EML6: variants seen among roughly 807,000 people sequenced by gnomAD.
The protein encoded by EML6 is echinoderm microtubule-associated protein-like 6.
A neutral mutation model predicts 240.1 loss-of-function variants in EML6; 154 were observed. That is an observed-to-expected ratio of 0.64 (90% CI 0.56 to 0.73). EML6 has a LOEUF of 0.73. Among genes scored for constraint, EML6 ranks in the 30% least tolerant of loss-of-function variants. EML6 has a pLI of 0.00. For synonymous variants in EML6, 1,148 were observed against 899.0 expected (o/e 1.28, Z -4.95); for missense variants, 2,964 against 2,474.6 (o/e 1.20, Z -4.20).
At chr2:54,797,176 A>AAAAAAACAAAAAAAAAC (rs1669848694) in intron 2 of EML6, among the ~76,000 whole-genome samples, 1 of 141,692 alleles carries the variant, frequency 7.1e-6, no homozygotes, top group Non-Finnish European at 1.6e-5. Context: ...AAAAAAAAAA[A>AAAAAAACAAAAAAAAAC]AAAAAAAAAA....
chr2:54,914,383 T>G (rs969784861), intron 25 of EML6, among the ~76,000 whole-genome samples: 8 of 152,158 alleles, frequency 5.3e-5, no homozygotes, highest in African/African-American at 1.9e-4. Context: ...AGCTGTACTT[T>G]CCCTTCCGGT....
chr2:54,781,444 AG>A (rs1452168711), intron 2 of EML6, among the ~76,000 whole-genome samples: 1 of 152,216 alleles, frequency 6.6e-6, no homozygotes, highest in African/African-American at 2.4e-5. Flanking sequence ...AAATATTACC[AG>A]CATGCTTAAA....
intron 2 of EML6, among the ~76,000 whole-genome samples, chr2:54,752,193 C>G (rs760288196): frequency 1.3e-5 from 2 of 151,934 alleles, no homozygotes; most frequent in African/African-American, 2.4e-5. Context: ...TTTTTTTCCA[C>G]CATTATAATA....
At chr2:54,837,780 C>T (rs947105504) in intron 7 of EML6, among the ~76,000 whole-genome samples, 1 of 152,190 alleles carries the variant, frequency 6.6e-6, no homozygotes, top group African/African-American at 2.4e-5. Context: ...TGAAGTCTTG[C>T]TCTGGTCCAG....
In EML6 at chr2:54,928,707, C is replaced by A; in HGVS notation, c.3960C>A (p.Gly1320=). 6.4e-7 allele frequency: 1 copy of A among 1,551,658 alleles called. No homozygotes were observed. Among genetic ancestry groups the A allele is most frequent in the East Asian group, 2.4e-5 (1 of 40,920 alleles). ...CTGTGAGCATCAGGGAAATGGAAGG[C>A]ACCAAGCCACACCAGCAGCTGAAGG... The part of the protein sequence containing the change: ...IYAVSIREME[G]TKPHQQLKEV... Residue 1320 remains glycine (G), a synonymous_variant, in exon 28 of 42, where the codon GGC becomes GGA. Transcript: ENST00000356458.
chr2:54,927,274 G>C (rs1172800508), intron 26 of EML6, among the ~76,000 whole-genome samples: 1 of 152,134 alleles, frequency 6.6e-6, no homozygotes, highest in Admixed American at 6.6e-5. Flanking sequence ...ATCTTGACTA[G>C]GAGTATTACA....
At position 54,819,196 on chromosome 2, in the gene EML6, T is replaced by C. The variant is rs780526843; in HGVS notation, c.457-1198T>C. On this transcript the variant is annotated intron_variant, in intron 4 of 41. Transcript: ENST00000356458. ...AAAAGTTAGTGGTCTAGGTTATTTCTCTGGTCTAGACTTTGTCCCTGACAA... is the reference window on the plus strand; with the variant it reads ...AAAAGTTAGTGGTCTAGGTTATTTCCCTGGTCTAGACTTTGTCCCTGACAA... 8.7e-4 allele frequency among the ~76,000 whole-genome samples: 132 copies of C among 152,182 alleles called. 1 individual carries two copies. The highest frequency in any genetic ancestry group is 5.2e-3 in the Admixed American group (80 of 15,280).
At chr2:54,744,702 G>A (rs73934815) in intron 2 of EML6, among the ~76,000 whole-genome samples, 1 of 151,852 alleles carries the variant, frequency 6.6e-6, no homozygotes, top group Non-Finnish European at 1.5e-5. Context: ...AGGGGAGAGA[G>A]GGACCGAGGA....
chr2:54,919,484 G>A (rs1210641133), intron 26 of EML6, among the ~76,000 whole-genome samples: 2 of 152,078 alleles, frequency 1.3e-5, no homozygotes, highest in South Asian at 2.1e-4. Flanking sequence ...GAGTAGCCCT[G>A]AGATACACAT....
At chr2:54,953,282 C>T (rs1676071194) in intron 31 of EML6, among the ~76,000 whole-genome samples, 1 of 152,184 alleles carries the variant, frequency 6.6e-6, no homozygotes, top group South Asian at 2.1e-4. Flanking sequence ...ATTGCCATTG[C>T]TCACCCAATG....
chr2:54,828,304 T>C (rs559015152), intron 6 of EML6, among the ~76,000 whole-genome samples: 9 of 152,322 alleles, frequency 5.9e-5, no homozygotes, highest in African/African-American at 2.2e-4. Flanking sequence ...TATCTTCTGA[T>C]GGTCTGCTCA....
At chr2:54,847,304 C>A (rs559909807) in intron 8 of EML6, among the ~76,000 whole-genome samples, 182 bp from the exon 9 acceptor site, 162 of 152,108 alleles carry the variant, frequency 1.1e-3, no homozygotes, top group Admixed American at 1.8e-3. Context: ...TGAAAATGAC[C>A]CAAAGATGCA....
At chr2:54,848,774 CAG>C (rs1572997514) in intron 9 of EML6, among the ~76,000 whole-genome samples, 1 of 152,242 alleles carries the variant, frequency 6.6e-6, no homozygotes, top group East Asian at 1.9e-4. Flanking sequence ...GTGAGCTTTC[CAG>C]TGTGAGCAGA....
chr2:54,871,374 TTCCTAGGG>T (rs1671247502), intron 15 of EML6, 118 bp from the exon 16 acceptor site: 1 of 692,670 alleles, frequency 1.4e-6, no homozygotes, highest in African/African-American at 1.8e-5. Flanking sequence ...AGCAGATGAT[TTCCTAGGG>T]TCCTTCTATT....
chr2:54,939,905 G>A (rs887929047), intron 28 of EML6, among the ~76,000 whole-genome samples: 2 of 152,202 alleles, frequency 1.3e-5, no homozygotes, highest in South Asian at 2.1e-4. Flanking sequence ...CCATCTCAGC[G>A]GCCCGGCACA....
intron 12 of EML6, among the ~76,000 whole-genome samples, chr2:54,860,822 C>T (rs1264699412): frequency 6.6e-6 from 1 of 152,064 alleles, no homozygotes; most frequent in East Asian, 1.9e-4. Context: ...TCATTTCTCC[C>T]CAGATGGGGT....
chr2:54,743,177 C>T (rs911985749), intron 2 of EML6, among the ~76,000 whole-genome samples: 5 of 152,190 alleles, frequency 3.3e-5, no homozygotes, highest in Admixed American at 1.3e-4. Flanking sequence ...TGGGAACCAG[C>T]CCTGGACAGG....
chr2:54,962,702 G>C lies in EML6; in HGVS notation c.5148G>C (p.Leu1716=). ...ATGGCACAGCCCGGATCTGGGACCT[G>C]GCTGACAAGGTGAGGCCGACTCTGC... ...SNDGTARIWD[L]ADKKLLNKVS... The change falls in exon 36 of 42, where the codon CTG becomes CTC. Residue 1716 remains leucine, a synonymous_variant. Coordinates refer to ENST00000356458, the MANE Select transcript of EML6 (RefSeq NM_001039753.4). The C allele has an allele frequency of 6.7e-7, 1 of 1,486,482 alleles. No individual in the cohort carries two copies. Among genetic ancestry groups the C allele is most frequent in the Non-Finnish European group, 9.0e-7 (1 of 1,114,638 alleles). The allele number at this position is 1,486,482 out of a possible 1,614,324, so 92.1% of individuals were successfully genotyped here. A position where few individuals can be genotyped will look rare whatever the true frequency, so the allele number is the denominator to read the frequency against.
At chr2:54,884,426 G>C (rs1348972926) in intron 17 of EML6, among the ~76,000 whole-genome samples, 1 of 152,080 alleles carries the variant, frequency 6.6e-6, no homozygotes, top group Non-Finnish European at 1.5e-5. Flanking sequence ...ACTGGCGATG[G>C]GTGAGCAACT....
Sources: gnomAD v4.1 joint callset for allele counts (sites outside exome capture counted in the v4.1 genomes callset) on GRCh38, gnomAD v4.1.1 for gene constraint, MANE v1.5 for transcripts, NCBI Gene and HGNC (gene_info 2026-07-23, HGNC 2026-07-21) for gene names.